Variants in ACYP2 observed in about 807,000 individuals in gnomAD.
ACYP2 encodes the protein acylphosphatase-2.
A neutral mutation model predicts 11.2 loss-of-function variants in ACYP2; 12 were observed. The ratio of observed to expected loss-of-function variants is 1.08; its 90% CI spans 0.69 to 1.74. The LOEUF (loss-of-function observed/expected upper bound fraction) is 1.74. Ranked by LOEUF, ACYP2 falls within the 40% of genes most tolerant of loss-of-function variation. The pLI is 0.00. For missense variants in ACYP2, 134 were observed against 101.9 expected, an observed-to-expected ratio of 1.31 and a Z score of -1.35; for synonymous variants, 43 against 32.2, an observed-to-expected ratio of 1.33 and a Z score of -1.13.
chr2:54,052,340 C>G (rs779044509), intron 3 of ACYP2, among the ~76,000 whole-genome samples: 121 of 152,006 alleles, frequency 8.0e-4, no homozygotes, highest in Non-Finnish European at 1.5e-3. Flanking sequence ...TAACCCTGTC[C>G]TGGTGGCATT....
At chr2:54,245,000 T>G (rs891775786) in intron 6 of ACYP2, among the ~76,000 whole-genome samples, 13 of 152,176 alleles carry the variant, frequency 8.5e-5, no homozygotes, top group Non-Finnish European at 1.5e-5. Flanking sequence ...AGCTGTAATT[T>G]TGTGTCCTTT....
At chr2:53,996,019 A>G (rs1230849036) in intron 2 of ACYP2, among the ~76,000 whole-genome samples, 2 of 151,990 alleles carry the variant, frequency 1.3e-5, no homozygotes, top group African/African-American at 4.8e-5. Flanking sequence ...CTGTAATCCC[A>G]GCTACATGGG....
chr2:54,128,400 G>A (rs1180282027), intron 4 of ACYP2, among the ~76,000 whole-genome samples: 15 of 152,180 alleles, frequency 9.9e-5, no homozygotes, highest in Non-Finnish European at 1.8e-4. Context: ...GGAGGTAGTG[G>A]CTCATGCTTG....
chr2:54,045,633 G>A (rs528791591), intron 2 of ACYP2, among the ~76,000 whole-genome samples: 4 of 150,466 alleles, frequency 2.7e-5, no homozygotes, highest in Admixed American at 6.6e-5. Flanking sequence ...TGGCTAAGAC[G>A]GTGAAACCCT....
At chr2:54,057,145 G>C (rs917755690) in intron 3 of ACYP2, 15 of 392,960 alleles carry the variant, frequency 3.8e-5, no homozygotes, top group Non-Finnish European at 5.8e-5. Context: ...AGATTGTCTA[G>C]ATTGACTGAT....
At chr2:54,101,658 A>T (rs1678898628) in intron 4 of ACYP2, among the ~76,000 whole-genome samples, 1 of 132,922 alleles carries the variant, frequency 7.5e-6, no homozygotes, top group Non-Finnish European at 1.6e-5. Context: ...TGGGTTACAG[A>T]GGGAGACTGT....
At chr2:54,089,110 G>A (rs913722312) in intron 4 of ACYP2, among the ~76,000 whole-genome samples, 9 of 152,180 alleles carry the variant, frequency 5.9e-5, no homozygotes, top group Non-Finnish European at 7.3e-5. Flanking sequence ...AGTTGAGAAA[G>A]TTTGTTCTAT....
chr2:54,219,863 G>GTGTATATAGA lies in ACYP2; in HGVS notation c.404+81118_404+81119insATATAGATGT, dbSNP rs1374812628. On this transcript the variant is annotated intron_variant, in intron 6 of 6. Coordinates refer to ENST00000607452, the MANE Select transcript of ACYP2 (RefSeq NM_001320586.2). ...TGTATGTGTGTGTATATAGATGTGT[G>GTGTATATAGA]TGTGTGTGTGTGTGTGTGTATATAT... 6.9e-4 allele frequency among the ~76,000 whole-genome samples: 26 copies of GTGTATATAGA among 37,884 alleles called. No individual in the cohort carries two copies. In the East Asian group the frequency reaches 0.014, roughly 20 times the overall value. 24.9% of individuals were successfully genotyped at this position (37,884 alleles called of 152,430 possible). A position where few individuals can be genotyped will look rare whatever the true frequency, so the allele number is the denominator to read the frequency against.
intron 4 of ACYP2, among the ~76,000 whole-genome samples, chr2:54,067,683 A>G (rs1284453606): frequency 6.6e-6 from 1 of 152,222 alleles, no homozygotes; most frequent in African/African-American, 2.4e-5. Flanking sequence ...AAACATCTCA[A>G]CTTTGAATTT....
chr2:54,211,480 T>A (rs1283928864), intron 6 of ACYP2, among the ~76,000 whole-genome samples: 1 of 152,216 alleles, frequency 6.6e-6, no homozygotes, highest in Non-Finnish European at 1.5e-5. Context: ...GCTAATCCCA[T>A]CTACTTGGTA....
intron 4 of ACYP2, among the ~76,000 whole-genome samples, chr2:54,130,303 C>G (rs968016915): frequency 6.6e-6 from 1 of 151,992 alleles, no homozygotes; most frequent in African/African-American, 2.4e-5. Flanking sequence ...ATAGTCAGTA[C>G]AAAGGCTAGG....
intron 6 of ACYP2, among the ~76,000 whole-genome samples, chr2:54,200,016 A>G (rs936221924): frequency 6.6e-6 from 1 of 152,146 alleles, no homozygotes; most frequent in Non-Finnish European, 1.5e-5. Flanking sequence ...TATTCCTTTA[A>G]CTCACAAGCT....
intron 4 of ACYP2, among the ~76,000 whole-genome samples, chr2:54,102,935 GAAGA>G (rs1314694812): frequency 1.3e-5 from 2 of 152,154 alleles, no homozygotes. Context: ...TCTGAGGAAG[GAAGA>G]CTTTGGTTGG....
chr2:54,200,900 A>G (rs971152948), intron 6 of ACYP2, among the ~76,000 whole-genome samples: 2 of 152,174 alleles, frequency 1.3e-5, no homozygotes, highest in Non-Finnish European at 2.9e-5. Flanking sequence ...TAATTTCTCT[A>G]CATCCTCACC....
chr2:54,125,478 G>C (rs776499640), intron 4 of ACYP2, among the ~76,000 whole-genome samples: 2 of 152,132 alleles, frequency 1.3e-5, no homozygotes, highest in Middle Eastern at 3.2e-3. Context: ...GGCCAGGCAC[G>C]GTGGTTCATA....
At chr2:54,203,871 A>T (rs947922617) in intron 6 of ACYP2, among the ~76,000 whole-genome samples, 6 of 151,962 alleles carry the variant, frequency 3.9e-5, no homozygotes, top group South Asian at 4.1e-4. Flanking sequence ...AATTTCTTCC[A>T]ATCACCTTAT....
chr2:54,197,251 G>A (rs1684529156), intron 6 of ACYP2, among the ~76,000 whole-genome samples: 1 of 152,126 alleles, frequency 6.6e-6, no homozygotes, highest in Non-Finnish European at 1.5e-5. Context: ...TACCTCAGGG[G>A]TCACCCAGGG....
rs185811949 is a variant in ACYP2 at position 54,119,944 on chromosome 2, A to G, written c.278-15509A>G. Reference sequence around the variant, plus strand: ...TTTAAGGAGTACTTTGAGGTCAAGTACTTTGTAGAATGCTCCCCAATTGGG... The same window carrying G: ...TTTAAGGAGTACTTTGAGGTCAAGTGCTTTGTAGAATGCTCCCCAATTGGG... On this transcript the variant is annotated intron_variant, in intron 4 of 6. Transcript: ENST00000607452. Among the ~76,000 whole-genome samples, 292 of 152,322 alleles carry G rather than the reference A, an allele frequency of 1.9e-3. 3 individuals are homozygous for G. Among genetic ancestry groups the G allele is most frequent in the African/African-American group, 6.7e-3 (279 of 41,572 alleles).
rs542555289 is a variant in ACYP2, at chr2:54,206,854, T to C, written c.404+68106T>C. Among the ~76,000 whole-genome samples the C allele has an allele frequency of 9.2e-5, 14 of 152,332 alleles. No individual in the cohort carries two copies. The South Asian group carries it at 1.7e-3, about 18-fold the overall frequency. ...TCCATCCATATTGTTCGGGGCAGGC[T>C]TTTTGAGTGATTTGAAAACTTTGTA... On this transcript the variant is annotated intron_variant, in intron 6 of 6. Coordinates refer to ENST00000607452, the MANE Select transcript of ACYP2 (RefSeq NM_001320586.2).
Sources: allele counts gnomAD v4.1 joint callset (sites outside exome capture counted in the v4.1 genomes callset), GRCh38; gene constraint gnomAD v4.1.1; transcripts MANE v1.5; gene names NCBI Gene and HGNC (gene_info 2026-07-23, HGNC 2026-07-21).